The following SYNE3 variants were observed in gnomAD, a reference collection of about 807,000 sequenced individuals.
SYNE3 encodes the protein spectrin repeat containing nuclear envelope family member 3.
A neutral mutation model predicts 111.2 loss-of-function variants in SYNE3; 100 were observed. That is an observed-to-expected ratio of 0.90 (90% CI 0.77 to 1.06). SYNE3 has a LOEUF of 1.06. Ranked by LOEUF, SYNE3 falls within the 50% of genes least tolerant of loss-of-function variation. SYNE3 has a pLI of 0.00. For missense variants in SYNE3, 1,160 were observed against 1,240.3 expected (o/e 0.94, Z 0.97); for synonymous variants, 547 against 533.9 (o/e 1.02, Z -0.34).
chr14:95,514,038 G>A (rs1160474307), intron 1 of SYNE3, among the ~76,000 whole-genome samples: 1 of 151,958 alleles, frequency 6.6e-6, no homozygotes, highest in African/African-American at 2.4e-5. Context: ...CCTAGGAGGT[G>A]AGAGGCAGGA....
intron 17 of SYNE3, among the ~76,000 whole-genome samples, chr14:95,425,142 G>A (rs1187759): frequency 0.74 from 112,011 of 152,028 alleles, 41,783 homozygotes; most frequent in Non-Finnish European, 0.82. Context: ...GCTACTCAGG[G>A]GGCTGGGGCA....
intron 1 of SYNE3, among the ~76,000 whole-genome samples, chr14:95,479,895 T>C (rs920043200): frequency 6.6e-5 from 10 of 152,034 alleles, no homozygotes; most frequent in African/African-American, 2.4e-4. Flanking sequence ...GGAAGCACTC[T>C]GCACTCAAAG....
Position 95,433,391 on chromosome 14 carries a change from GCACCCGAGC to G in SYNE3, c.2548_2556del (p.Ala850_Val852del), listed in dbSNP as rs776026362. 9 of 1,614,060 alleles carry G rather than the reference GCACCCGAGC, an allele frequency of 5.6e-6. No homozygotes were observed. Among genetic ancestry groups the G allele is most frequent in the Non-Finnish European group, 7.6e-6 (9 of 1,179,982 alleles). On this transcript the variant is annotated inframe_deletion, in exon 16 of 18. Coordinates refer to ENST00000682763, the MANE Select transcript of SYNE3 (RefSeq NM_152592.6). ...TTCTCAAAGAGATGCTGACCTTCTG[GCACCCGAGC>G]CTCCAGCTCCTGGGGGAAACAGCAG... is the stretch of plus-strand genomic sequence containing the variant.
At position 95,439,802 on chromosome 14, in the gene SYNE3, A is replaced by G. The variant is rs749504176; in HGVS notation, c.2074-18T>C. ...ACCAGCCTCTAAAGGACACACGGAC[A>G]CACAGACACACACACGGTGAGGGTG... On this transcript the variant is annotated intron_variant, in intron 12 of 17. Transcript: ENST00000682763. The G allele has an allele frequency of 5.6e-6, 9 of 1,603,030 alleles. No individual in the cohort carries two copies. In the South Asian group the frequency reaches 5.6e-5, roughly 10 times the overall value.
rs952140916 is a variant in SYNE3, at chr14:95,470,786, C to T, written c.145-2819G>A. On this transcript the variant is annotated intron_variant, in intron 2 of 17. Coordinates refer to ENST00000682763, the MANE Select transcript of SYNE3 (RefSeq NM_152592.6). The surrounding 1 kb of genome is among the most constrained non-coding windows in gnomAD (Gnocchi z 4.2). ...CATCCTGGCCAACATGGTGAAACAC[C>T]GTCTCTACTGAAAATACAAAAATTA... Among the ~76,000 whole-genome samples the T allele has an allele frequency of 2.6e-5, 4 of 152,050 alleles. No homozygotes were observed. The highest frequency in any genetic ancestry group is 5.9e-5 in the Non-Finnish European group (4 of 68,018).
At chr14:95,460,358 C>T (rs1269052697) in intron 4 of SYNE3, among the ~76,000 whole-genome samples, 2 of 144,930 alleles carry the variant, frequency 1.4e-5, no homozygotes, top group Non-Finnish European at 1.5e-5. Context: ...GGGTGCACCA[C>T]GATGCCTAGT....
intron 1 of SYNE3, among the ~76,000 whole-genome samples, chr14:95,508,871 G>T (rs1284932468): frequency 6.6e-6 from 1 of 152,218 alleles, no homozygotes; most frequent in Non-Finnish European, 1.5e-5. Flanking sequence ...CCAGCCTCAG[G>T]TTACGGCTCC....
intron 8 of SYNE3, 97 bp downstream of exon 8, chr14:95,449,834 G>C: frequency 6.8e-7 from 1 of 1,474,048 alleles, no homozygotes; most frequent in Non-Finnish European, 9.1e-7. Flanking sequence ...ATATCCGGAG[G>C]ACCCGGAAAC....
At chr14:95,460,367 G>GTTTTTTTTTTTTT (rs548346693) in intron 4 of SYNE3, among the ~76,000 whole-genome samples, 2 of 85,236 alleles carry the variant, frequency 2.3e-5, no homozygotes, top group Non-Finnish European at 4.4e-5. Context: ...ACGATGCCTA[G>GTTTTTTTTTTTTT]TTTTTTTTTT....
chr14:95,480,507 C>G (rs1401163600), intron 1 of SYNE3, among the ~76,000 whole-genome samples: 1 of 152,192 alleles, frequency 6.6e-6, no homozygotes, highest in Non-Finnish European at 1.5e-5. Flanking sequence ...CCTGGAAGAC[C>G]AGCCAGTCCC....
intron 17 of SYNE3, among the ~76,000 whole-genome samples, chr14:95,429,323 C>T (rs879843238): frequency 1.1e-4 from 17 of 152,154 alleles, no homozygotes; most frequent in Non-Finnish European, 2.1e-4. Context: ...TGGAAGACTG[C>T]GGCTAAATGA....
intron 1 of SYNE3, among the ~76,000 whole-genome samples, chr14:95,489,750 A>AT (rs11419794): frequency 0.23 from 35,040 of 151,182 alleles, 4,492 homozygotes; most frequent in East Asian, 0.41. Context: ...TGCCTGGCTT[A>AT]TTTTTTTTTG....
chr14:95,482,587 A>G (rs941065914), intron 1 of SYNE3, among the ~76,000 whole-genome samples: 3 of 152,162 alleles, frequency 2.0e-5, no homozygotes, highest in South Asian at 4.1e-4. Context: ...CCGAGCAAAG[A>G]AAGCGGCAAC....
intron 15 of SYNE3, among the ~76,000 whole-genome samples, chr14:95,433,866 T>C (rs1022000164): frequency 1.3e-5 from 2 of 152,130 alleles, no homozygotes; most frequent in African/African-American, 4.8e-5. Context: ...AGAGGTGGTG[T>C]GATGGGGCAG....
intron 2 of SYNE3, among the ~76,000 whole-genome samples, chr14:95,472,256 C>T (rs1053764704): frequency 6.6e-6 from 1 of 152,234 alleles, no homozygotes; most frequent in African/African-American, 2.4e-5. Flanking sequence ...CTGACCAAGA[C>T]GGTGGCCCAG....
intron 1 of SYNE3, among the ~76,000 whole-genome samples, chr14:95,479,448 C>T (rs879623810): frequency 6.6e-6 from 1 of 152,148 alleles, no homozygotes; most frequent in Non-Finnish European, 1.5e-5. Flanking sequence ...ACCAAACGCA[C>T]AGGTGTTGGG....
intron 1 of SYNE3, among the ~76,000 whole-genome samples, chr14:95,496,088 T>C (rs1026759028): frequency 6.6e-6 from 1 of 152,206 alleles, no homozygotes; most frequent in Non-Finnish European, 1.5e-5. Context: ...CCTAAGTGGA[T>C]GGGCAGAGAG....
intron 1 of SYNE3, among the ~76,000 whole-genome samples, chr14:95,515,381 C>A (rs1890879987): frequency 6.6e-6 from 1 of 152,238 alleles, no homozygotes; most frequent in African/African-American, 2.4e-5. Context: ...CTCCCACCTC[C>A]CAGCTCCTGA....
At chr14:95,514,914 G>A (rs1566694435) in intron 1 of SYNE3, among the ~76,000 whole-genome samples, 1 of 152,362 alleles carries the variant, frequency 6.6e-6, no homozygotes, top group East Asian at 1.9e-4. Context: ...GGGCTGCCCA[G>A]GCATGGCCAG....
Sources: gnomAD v4.1 joint callset for allele counts (sites outside exome capture counted in the v4.1 genomes callset) on GRCh38, gnomAD v4.1.1 for gene constraint, Gnocchi (gnomAD v3.1) non-coding constraint, MANE v1.5 for transcripts, NCBI Gene and HGNC (gene_info 2026-07-23, HGNC 2026-07-21) for gene names.